SF3A3: variants seen among roughly 807,000 people sequenced by gnomAD.
SF3A3 encodes splicing factor 3a subunit 3.
In SF3A3, 9 loss-of-function variants were observed where a neutral mutation model predicts 85.8. The ratio of observed to expected loss-of-function variants is 0.10; its 90% CI spans 0.06 to 0.18. SF3A3 has a LOEUF of 0.18. Among genes scored for constraint, SF3A3 ranks in the 10% least tolerant of loss-of-function variants. SF3A3 has a pLI of 1.00. For synonymous variants in SF3A3, 195 were observed against 204.4 expected, an observed-to-expected ratio of 0.95 and a Z score of 0.39; for missense variants, 306 against 593.3, an observed-to-expected ratio of 0.52 and a Z score of 5.03.
At chr1:37,980,820 T>C (rs1646412807) in intron 7 of SF3A3, 96 bp from the exon 8 acceptor site, 2 of 839,192 alleles carry the variant, frequency 2.4e-6, no homozygotes, top group Admixed American at 3.0e-5. Flanking sequence ...ATAATTCTAG[T>C]AATGCTATCT....
chr1:37,967,325 C>A lies in SF3A3; in HGVS notation c.1372+719G>T, dbSNP rs1646308723. On this transcript the variant is annotated intron_variant, in intron 15 of 16. Transcript: ENST00000373019. Reference sequence around the variant, plus strand: ...TTGGGAGGCTGAAGTGGGCGGATCACCTGAGGTCGGGAGTTCAAGGCCATC... The same window carrying A: ...TTGGGAGGCTGAAGTGGGCGGATCAACTGAGGTCGGGAGTTCAAGGCCATC... Among the ~76,000 whole-genome samples, 6 of 149,884 alleles carry A rather than the reference C, an allele frequency of 4.0e-5. No homozygotes were observed. In the Admixed American group the frequency reaches 4.0e-4, roughly 10 times the overall value.
chr1:37,984,407 G>C (rs1256355481), intron 5 of SF3A3, 147 bp from the exon 6 acceptor site: 2 of 619,718 alleles, frequency 3.2e-6, no homozygotes, highest in South Asian at 1.9e-5. Flanking sequence ...CCTCCAATAA[G>C]TTAAGTGAGA....
At chr1:37,968,198 T>C in intron 14 of SF3A3, 64 bp from the exon 15 acceptor site, 2 of 919,588 alleles carry the variant, frequency 2.2e-6, no homozygotes, top group Non-Finnish European at 3.6e-6. Flanking sequence ...GAGCACTAAC[T>C]CCATTCTACT....
At chr1:37,987,902 C>T in intron 2 of SF3A3, 66 bp from the exon 3 acceptor site, 1 of 1,345,374 alleles carries the variant, frequency 7.4e-7, no homozygotes, top group Non-Finnish European at 1.1e-6. Context: ...AAGCAAACAA[C>T]AAGGGTTCTC....
intron 2 of SF3A3, among the ~76,000 whole-genome samples, chr1:37,988,580 G>A (rs140412146): frequency 2.4e-4 from 37 of 152,134 alleles, no homozygotes; most frequent in Middle Eastern, 3.4e-3. Flanking sequence ...GAAAATCCTT[G>A]GTTTTCAGAG....
At chr1:37,962,480 G>A (rs1646268026) in intron 15 of SF3A3, among the ~76,000 whole-genome samples, 2 of 151,122 alleles carry the variant, frequency 1.3e-5, no homozygotes, top group African/African-American at 4.9e-5. Context: ...GTGCATGCCT[G>A]TAATCCCTGC....
intron 4 of SF3A3, among the ~76,000 whole-genome samples, chr1:37,985,242 C>A (rs1033798023): frequency 3.9e-5 from 6 of 152,314 alleles, no homozygotes; most frequent in African/African-American, 1.2e-4. Context: ...CCTTGTTTTT[C>A]CCCGCTTTTT....
intron 12 of SF3A3, among the ~76,000 whole-genome samples, chr1:37,973,261 C>T (rs1412975911): frequency 6.6e-6 from 1 of 152,086 alleles, no homozygotes; most frequent in African/African-American, 2.4e-5. Context: ...AAAACCTAGG[C>T]AATACCATTC....
At chr1:37,986,471 A>C (rs1055364416) in intron 4 of SF3A3, among the ~76,000 whole-genome samples, 4 of 152,124 alleles carry the variant, frequency 2.6e-5, no homozygotes, top group African/African-American at 9.7e-5. Context: ...TTCTGATGGA[A>C]GCCTTCCCAG....
At chr1:37,980,001 T>TC (rs545702893) in intron 8 of SF3A3, among the ~76,000 whole-genome samples, 1 of 152,154 alleles carries the variant, frequency 6.6e-6, no homozygotes, top group South Asian at 2.1e-4. Flanking sequence ...GAATGTAGAT[T>TC]CCTAACATAT....
At chr1:37,989,186 T>G (rs1208938638) in intron 2 of SF3A3, among the ~76,000 whole-genome samples, 1 of 151,792 alleles carries the variant, frequency 6.6e-6, no homozygotes, top group Non-Finnish European at 1.5e-5. Flanking sequence ...TCCCAACTAC[T>G]CCGGAGGCTG....
intron 12 of SF3A3, among the ~76,000 whole-genome samples, chr1:37,970,451 G>A (rs1375654084): frequency 1.3e-5 from 2 of 152,004 alleles, no homozygotes; most frequent in Non-Finnish European, 2.9e-5. Context: ...ACAGATCAAC[G>A]AGACAAAGTT....
chr1:37,986,811 CAAAAAAAAAA>C (rs1186890843), intron 4 of SF3A3, among the ~76,000 whole-genome samples: 1 of 62,260 alleles, frequency 1.6e-5, no homozygotes, highest in African/African-American at 6.8e-5. Context: ...GACTCCATCT[CAAAAAAAAAA>C]AAAAAAAAAA....
At chr1:37,967,959 TG>T (rs1646314487) in intron 15 of SF3A3, 84 bp downstream of exon 15, 1 of 792,900 alleles carries the variant, frequency 1.3e-6, no homozygotes. Flanking sequence ...CCTTTAACCC[TG>T]GATACACAGG....
intron 16 of SF3A3, among the ~76,000 whole-genome samples, chr1:37,959,559 C>T (rs1449704973): frequency 1.3e-5 from 2 of 151,902 alleles, no homozygotes; most frequent in African/African-American, 2.4e-5. Context: ...CTAGCATGCG[C>T]CACCACACTT....
intron 8 of SF3A3, among the ~76,000 whole-genome samples, chr1:37,979,737 G>A (rs1646403694): frequency 6.6e-6 from 1 of 152,120 alleles, no homozygotes; most frequent in South Asian, 2.1e-4. Flanking sequence ...TGTGCCTGTG[G>A]TCCCAGCTAC....
chr1:37,980,758 A>C (rs1382187719), intron 7 of SF3A3, 34 bp from the exon 8 acceptor site: 2 of 1,556,480 alleles, frequency 1.3e-6, no homozygotes, highest in Non-Finnish European at 1.7e-6. Flanking sequence ...ACAAAGCAAA[A>C]AGGGTTTCTA....
chr1:37,988,857 T>TTGTGTGTG lies in SF3A3; in HGVS notation c.144+683_144+690dup, dbSNP rs547811229. Among the ~76,000 whole-genome samples, 610 of 146,756 alleles carry TTGTGTGTG rather than the reference T, an allele frequency of 4.2e-3. 6 individuals are homozygous for TTGTGTGTG. The highest frequency in any genetic ancestry group is 0.015 in the African/African-American group (595 of 38,732). ...GAAAAACACTAACATACGGGGTGTG[T>TTGTGTGTG]TGTGTGTGTGTGTGTGTGTGTGTAT... On this transcript the variant is annotated intron_variant, in intron 2 of 16. Coordinates refer to ENST00000373019, the MANE Select transcript of SF3A3 (RefSeq NM_006802.4).
At chr1:37,987,940 G>T in intron 2 of SF3A3, 104 bp from the exon 3 acceptor site, 3 of 880,638 alleles carry the variant, frequency 3.4e-6, no homozygotes, top group Non-Finnish European at 3.9e-6. Flanking sequence ...AACCTCAAGA[G>T]ACATGGATAT....
Sources: allele counts gnomAD v4.1 joint callset (sites outside exome capture counted in the v4.1 genomes callset), GRCh38; gene constraint gnomAD v4.1.1; transcripts MANE v1.5; gene names NCBI Gene and HGNC (gene_info 2026-07-23, HGNC 2026-07-21).